The following CRYL1 variants were observed in gnomAD, a reference collection of about 807,000 sequenced individuals.
CRYL1 encodes the protein crystallin lambda 1, also known as lambda-crystallin homolog.
CRYL1 carries 29 observed loss-of-function variants against 36.6 expected under a neutral mutation model. The observed-to-expected ratio is 0.79, with a 90% confidence interval of 0.59 to 1.08. The LOEUF (loss-of-function observed/expected upper bound fraction) is 1.08. Ranked by LOEUF, CRYL1 falls within the 50% of genes least tolerant of loss-of-function variation. The pLI is 0.00. For missense variants in CRYL1, 411 were observed against 407.9 expected, an observed-to-expected ratio of 1.01 and a Z score of -0.06; for synonymous variants, 152 against 151.5, an observed-to-expected ratio of 1.00 and a Z score of -0.02.
chr13:20,426,877 T>C, intron 5 of CRYL1: 8 of 985,430 alleles, frequency 8.1e-6, no homozygotes, highest in Non-Finnish European at 9.6e-6. Context: ...AAGAACTCAA[T>C]CTCTGCGGCC....
At chr13:20,488,085 A>G (rs967034649) in intron 3 of CRYL1, among the ~76,000 whole-genome samples, 1 of 152,208 alleles carries the variant, frequency 6.6e-6, no homozygotes, top group African/African-American at 2.4e-5. Context: ...CTGGGCCAAC[A>G]GAGTGACTCT....
rs2034172504 is a variant in CRYL1 at position 20,525,399 on chromosome 13, A to G, written c.41+355T>C. 1.3e-5 allele frequency among the ~76,000 whole-genome samples: 2 copies of G among 152,226 alleles called. No homozygotes were observed. Among genetic ancestry groups the G allele is most frequent in the African/African-American group, 4.8e-5 (2 of 41,452 alleles). On this transcript the variant is annotated intron_variant, in intron 1 of 7. Coordinates refer to ENST00000298248, the MANE Select transcript of CRYL1 (RefSeq NM_015974.3). This position sits in a 1 kb window ranked among gnomAD's most constrained non-coding sequence, Gnocchi z 4.3. ...TCGCAGCCAGAATTCGTTTCATTCAACACGGTGCCTGGCACTTCTATGTGG... is the reference window on the plus strand; with the variant it reads ...TCGCAGCCAGAATTCGTTTCATTCAGCACGGTGCCTGGCACTTCTATGTGG...
At chr13:20,462,162 T>G (rs1593461021) in intron 3 of CRYL1, among the ~76,000 whole-genome samples, 3 of 70,706 alleles carry the variant, frequency 4.2e-5, no homozygotes, top group Non-Finnish European at 5.9e-5. Flanking sequence ...GTGGAAGGGA[T>G]AAGGTGGCAG....
At chr13:20,462,917 T>C (rs1282118267) in intron 3 of CRYL1, among the ~76,000 whole-genome samples, 1 of 152,134 alleles carries the variant, frequency 6.6e-6, no homozygotes, top group Non-Finnish European at 1.5e-5. Flanking sequence ...CTCCCAGCAA[T>C]CCAAACAGTA....
At chr13:20,408,699 CCAA>C (rs1408121733) in intron 6 of CRYL1, among the ~76,000 whole-genome samples, 2 of 152,096 alleles carry the variant, frequency 1.3e-5, no homozygotes, top group Non-Finnish European at 1.5e-5. Context: ...TTCTTATACA[CCAA>C]CAACAGACAA....
chr13:20,510,836 C>A (rs36119703), intron 2 of CRYL1, among the ~76,000 whole-genome samples: 4,876 of 152,024 alleles, frequency 0.032, 141 homozygotes, highest in African/African-American at 0.075. Context: ...TGGTCTCCAA[C>A]TCCTGAGCTC....
intron 2 of CRYL1, 110 bp from the exon 3 acceptor site, chr13:20,489,606 G>T (rs1194189648): frequency 2.6e-5 from 34 of 1,327,088 alleles, no homozygotes; most frequent in Non-Finnish European, 3.5e-5. Flanking sequence ...ACCACAGTGA[G>T]ATACCACCTC....
chr13:20,429,655 G>A (rs569250562), intron 5 of CRYL1, among the ~76,000 whole-genome samples: 14 of 152,284 alleles, frequency 9.2e-5, no homozygotes. Flanking sequence ...GACGAGGCAC[G>A]GTTCTGCCGC....
intron 3 of CRYL1, among the ~76,000 whole-genome samples, chr13:20,444,109 A>G (rs1045959556): frequency 6.6e-6 from 1 of 152,188 alleles, no homozygotes; most frequent in Non-Finnish European, 1.5e-5. Flanking sequence ...GGAGGTGGAC[A>G]CCATAATTAT....
At chr13:20,465,755 T>G (rs1190752861) in intron 3 of CRYL1, among the ~76,000 whole-genome samples, 2 of 152,164 alleles carry the variant, frequency 1.3e-5, no homozygotes, top group African/African-American at 4.8e-5. Flanking sequence ...AGCAACAGTA[T>G]GACATGCTCC....
intron 3 of CRYL1, among the ~76,000 whole-genome samples, chr13:20,483,519 T>C (rs905043053): frequency 3.9e-5 from 6 of 152,064 alleles, no homozygotes; most frequent in Non-Finnish European, 7.4e-5. Flanking sequence ...AAGAGCTCTG[T>C]ACAGTCTTTC....
At chr13:20,512,593 C>T (rs754904116) in intron 1 of CRYL1, 43 bp from the exon 2 acceptor site, 31 of 1,443,362 alleles carry the variant, frequency 2.1e-5, no homozygotes, top group Admixed American at 2.0e-4. Context: ...ATTTAATAAT[C>T]GAATGGCTTT....
chr13:20,412,788 C>T (rs562282042), intron 6 of CRYL1, among the ~76,000 whole-genome samples: 1 of 152,276 alleles, frequency 6.6e-6, no homozygotes, highest in East Asian at 1.9e-4. Context: ...ACCCATATGC[C>T]CCTCCTCAGC....
intron 5 of CRYL1, among the ~76,000 whole-genome samples, chr13:20,414,645 T>A (rs994536664): frequency 7.2e-5 from 11 of 152,194 alleles, no homozygotes; most frequent in Non-Finnish European, 1.6e-4. Flanking sequence ...GTTTGTTTGC[T>A]AAGGTGGGGC....
chr13:20,508,573 G>A (rs570334223), intron 2 of CRYL1, among the ~76,000 whole-genome samples: 4 of 150,758 alleles, frequency 2.7e-5, no homozygotes, highest in African/African-American at 7.4e-5. Flanking sequence ...TGGGCTGGGT[G>A]CAGTGGCTCA....
At chr13:20,413,791 C>A (rs1230542562) in intron 5 of CRYL1, among the ~76,000 whole-genome samples, 1 of 152,128 alleles carries the variant, frequency 6.6e-6, no homozygotes, top group Admixed American at 6.5e-5. Flanking sequence ...GATTTTGGAG[C>A]ATTTTGGATT....
At chr13:20,513,058 G>A (rs992285647) in intron 1 of CRYL1, among the ~76,000 whole-genome samples, 2 of 152,192 alleles carry the variant, frequency 1.3e-5, no homozygotes, top group African/African-American at 4.8e-5. Context: ...TACCCCATAA[G>A]TATGTAGGAA....
At chr13:20,510,761 C>T (rs777932270) in intron 2 of CRYL1, among the ~76,000 whole-genome samples, 9 of 151,672 alleles carry the variant, frequency 5.9e-5, no homozygotes, top group Non-Finnish European at 1.0e-4. Flanking sequence ...TACAGGTGCC[C>T]GCCACCATGC....
At chr13:20,468,633 T>C (rs905438486) in intron 3 of CRYL1, among the ~76,000 whole-genome samples, 2 of 152,174 alleles carry the variant, frequency 1.3e-5, no homozygotes, top group Non-Finnish European at 2.9e-5. Flanking sequence ...TGAGGTGCAG[T>C]CTCGCTCTGT....
Sources: allele counts gnomAD v4.1 joint callset (sites outside exome capture counted in the v4.1 genomes callset), GRCh38; gene constraint gnomAD v4.1.1; non-coding constraint Gnocchi (gnomAD v3.1); transcripts MANE v1.5; gene names NCBI Gene and HGNC (gene_info 2026-07-23, HGNC 2026-07-21).